The following SORCS2 variants were observed in gnomAD, a reference collection of about 807,000 sequenced individuals.
SORCS2 encodes the protein VPS10 domain-containing receptor SorCS2.
SORCS2 carries 100 observed loss-of-function variants against 141.6 expected under a neutral mutation model. The observed-to-expected ratio is 0.71, with a 90% CI of 0.60 to 0.83. SORCS2 has a LOEUF of 0.83. Among genes scored for constraint, SORCS2 ranks in the 40% least tolerant of loss-of-function variants. The pLI is 0.00. For synonymous variants in SORCS2, 789 were observed against 676.9 expected (o/e 1.17, Z -2.57); for missense variants, 1,646 against 1,560.2 (o/e 1.05, Z -0.93).
rs552162211 is a variant in SORCS2 at position 7,353,872 on chromosome 4, G to A, written c.481-42416G>A. 2.0e-5 allele frequency among the ~76,000 whole-genome samples: 3 copies of A among 152,272 alleles called. No homozygotes were observed. The South Asian group carries it at 6.2e-4, about 32-fold the overall frequency. ...GCAGGGAAGCTCAGCACCGGTGAAGGTCTCCTTGGGAAAGCATAATGGTTT... is the reference window on the plus strand; with the variant it reads ...GCAGGGAAGCTCAGCACCGGTGAAGATCTCCTTGGGAAAGCATAATGGTTT... On this transcript the variant is annotated intron_variant, in intron 1 of 26. Transcript: ENST00000507866.
intron 2 of SORCS2, among the ~76,000 whole-genome samples, chr4:7,489,082 T>G (rs1348805609): frequency 6.6e-6 from 1 of 152,216 alleles, no homozygotes; most frequent in Non-Finnish European, 1.5e-5. Context: ...ACATTTCAGT[T>G]GGGGATATGG....
At chr4:7,573,515 T>A (rs1014318461) in intron 3 of SORCS2, among the ~76,000 whole-genome samples, 13 of 152,174 alleles carry the variant, frequency 8.5e-5, no homozygotes, top group African/African-American at 3.1e-4. Context: ...TTTGTTTGTT[T>A]GTTTCTTGTT....
chr4:7,579,897 A>C (rs996508368), intron 3 of SORCS2, among the ~76,000 whole-genome samples: 1 of 152,166 alleles, frequency 6.6e-6, no homozygotes, highest in Admixed American at 6.5e-5. Context: ...AGCAGAGGCA[A>C]CTGTGCTCAC....
chr4:7,495,279 C>T (rs74486889), intron 2 of SORCS2, among the ~76,000 whole-genome samples: 3,788 of 152,336 alleles, frequency 0.025, 168 homozygotes, highest in African/African-American at 0.086. Context: ...TGGGGACCCA[C>T]GCTGGCTAAA....
At chr4:7,323,083 C>G (rs1206901442) in intron 1 of SORCS2, among the ~76,000 whole-genome samples, 1 of 152,190 alleles carries the variant, frequency 6.6e-6, no homozygotes, top group Non-Finnish European at 1.5e-5. Context: ...ACATAAGTAT[C>G]ACTCAGCAAT....
At chr4:7,302,696 A>G (rs1450553291) in intron 1 of SORCS2, among the ~76,000 whole-genome samples, 1 of 148,946 alleles carries the variant, frequency 6.7e-6, no homozygotes, top group East Asian at 1.9e-4. Context: ...AGCTAAGCTC[A>G]TTTTGTCCGT....
At chr4:7,513,412 G>A (rs1732784406) in intron 2 of SORCS2, among the ~76,000 whole-genome samples, 1 of 152,228 alleles carries the variant, frequency 6.6e-6, no homozygotes, top group Admixed American at 6.5e-5. Flanking sequence ...GGATTCAGGA[G>A]TGAGGGCTTG....
chr4:7,715,114 AC>A, intron 16 of SORCS2, 68 bp from the exon 17 acceptor site: 1 of 1,589,718 alleles, frequency 6.3e-7, no homozygotes, highest in South Asian at 1.1e-5. Flanking sequence ...CCCAGATTTC[AC>A]CCCAACCCTG....
intron 3 of SORCS2, among the ~76,000 whole-genome samples, chr4:7,549,654 G>C (rs939104859): frequency 1.3e-5 from 2 of 152,216 alleles, no homozygotes; most frequent in African/African-American, 4.8e-5. Flanking sequence ...GATGAACCCA[G>C]CACTGGTGCA....
At chr4:7,501,503 C>T (rs1731974673) in intron 2 of SORCS2, among the ~76,000 whole-genome samples, 1 of 111,876 alleles carries the variant, frequency 8.9e-6, no homozygotes, top group Non-Finnish European at 1.8e-5. Flanking sequence ...GCGAAGGCAC[C>T]AGGGCTGGCG....
chr4:7,626,166 A>C (rs1719503845), intron 3 of SORCS2, among the ~76,000 whole-genome samples: 1 of 152,032 alleles, frequency 6.6e-6, no homozygotes, highest in South Asian at 2.1e-4. Context: ...AAATAAATAT[A>C]AATAAATAAA....
intron 14 of SORCS2, among the ~76,000 whole-genome samples, chr4:7,705,320 C>G (rs1211445724): frequency 6.6e-6 from 1 of 152,220 alleles, no homozygotes; most frequent in Non-Finnish European, 1.5e-5. Flanking sequence ...TGGATTTCAG[C>G]CTTCTGGCCT....
intron 1 of SORCS2, among the ~76,000 whole-genome samples, chr4:7,323,487 G>C (rs1014402537): frequency 6.6e-6 from 1 of 152,138 alleles, no homozygotes; most frequent in African/African-American, 2.4e-5. Context: ...ACCACGTTCA[G>C]ACTCCCACAC....
intron 11 of SORCS2, 92 bp downstream of exon 11, chr4:7,689,680 T>A: frequency 8.1e-7 from 1 of 1,239,232 alleles, no homozygotes; most frequent in Non-Finnish European, 1.1e-6. Flanking sequence ...GTCATGAGCC[T>A]GAGGCCATAG....
chr4:7,613,620 G>C (rs774867908), intron 3 of SORCS2, among the ~76,000 whole-genome samples: 1 of 152,128 alleles, frequency 6.6e-6, no homozygotes, highest in African/African-American at 2.4e-5. Context: ...AGAATGACCC[G>C]TGGAGACACT....
intron 2 of SORCS2, among the ~76,000 whole-genome samples, chr4:7,410,681 T>A (rs1362208420): frequency 6.6e-6 from 1 of 152,200 alleles, no homozygotes; most frequent in Non-Finnish European, 1.5e-5. Context: ...TGCTTTAACA[T>A]CACCATGGAG....
chr4:7,540,133 G>A (rs1263586063), intron 3 of SORCS2, among the ~76,000 whole-genome samples: 1 of 87,068 alleles, frequency 1.1e-5, no homozygotes, highest in African/African-American at 5.1e-5. Context: ...TCCCTGCTAT[G>A]AGGGCCCTGC....
intron 15 of SORCS2, among the ~76,000 whole-genome samples, chr4:7,713,607 G>C: frequency 6.6e-6 from 1 of 152,232 alleles, no homozygotes; most frequent in Middle Eastern, 3.4e-3. Flanking sequence ...AGGCATCAGA[G>C]AATTTGACAT....
intron 1 of SORCS2, among the ~76,000 whole-genome samples, chr4:7,319,613 C>A (rs1718773882): frequency 6.6e-6 from 1 of 152,080 alleles, no homozygotes. Flanking sequence ...ACTCTGGAGG[C>A]TGAGGCAGGA....
Sources: gnomAD v4.1 joint callset for allele counts (sites outside exome capture counted in the v4.1 genomes callset) on GRCh38, gnomAD v4.1.1 for gene constraint, MANE v1.5 for transcripts, NCBI Gene and HGNC (gene_info 2026-07-23, HGNC 2026-07-21) for gene names.